VWC2L: variants seen among roughly 807,000 people sequenced by gnomAD.
VWC2L encodes von Willebrand factor C domain containing 2 like, also known as von Willebrand factor C domain-containing protein 2-like.
A neutral mutation model predicts 21.6 loss-of-function variants in VWC2L; 10 were observed. The ratio of observed to expected loss-of-function variants is 0.46; its 90% confidence interval spans 0.29 to 0.78. VWC2L has a LOEUF of 0.78. Among genes scored for constraint, VWC2L ranks in the 30% least tolerant of loss-of-function variants. The pLI is 0.10. For missense variants in VWC2L, 209 were observed against 277.1 expected (o/e 0.75, Z 1.74); for synonymous variants, 96 against 94.3 (o/e 1.02, Z -0.10).
intron 3 of VWC2L, among the ~76,000 whole-genome samples, chr2:214,444,386 G>C (rs1381604751): frequency 6.6e-6 from 1 of 151,756 alleles, no homozygotes; most frequent in African/African-American, 2.4e-5. Flanking sequence ...CATTAATTTG[G>C]GGGGATACAT....
At chr2:214,458,523 G>T (rs529266538) in intron 3 of VWC2L, among the ~76,000 whole-genome samples, 1 of 151,922 alleles carries the variant, frequency 6.6e-6, no homozygotes, top group Admixed American at 6.6e-5. Context: ...GCATCATTAG[G>T]TTGTTTATTT....
chr2:214,480,719 G>A (rs60713274), intron 3 of VWC2L, among the ~76,000 whole-genome samples: 56,394 of 151,658 alleles, frequency 0.37, 12,145 homozygotes, highest in South Asian at 0.58. Context: ...GCTCCAGGAA[G>A]GAGCTTGGAA....
chr2:214,433,086 A>G (rs1702624563), intron 2 of VWC2L, among the ~76,000 whole-genome samples: 1 of 150,278 alleles, frequency 6.7e-6, no homozygotes, highest in Admixed American at 6.7e-5. Context: ...GGAGTTCTAC[A>G]TTAGTTATTT....
chr2:214,515,594 C>G (rs1689129095), intron 3 of VWC2L, among the ~76,000 whole-genome samples: 1 of 152,152 alleles, frequency 6.6e-6, no homozygotes, highest in Admixed American at 6.5e-5. Context: ...CGCTCTGTCA[C>G]CCAGACTAGA....
intron 3 of VWC2L, among the ~76,000 whole-genome samples, chr2:214,470,438 T>C (rs902655115): frequency 3.3e-5 from 5 of 152,230 alleles, no homozygotes; most frequent in African/African-American, 9.6e-5. Context: ...AAGTATTTTA[T>C]AGGATTTAAT....
intron 3 of VWC2L, among the ~76,000 whole-genome samples, chr2:214,519,444 G>A (rs1689196814): frequency 6.6e-6 from 1 of 152,176 alleles, no homozygotes; most frequent in African/African-American, 2.4e-5. Context: ...TAGGAACAAA[G>A]ATAGTAGGTA....
At chr2:214,540,478 G>C (rs1287027290) in intron 3 of VWC2L, among the ~76,000 whole-genome samples, 1 of 152,106 alleles carries the variant, frequency 6.6e-6, no homozygotes, top group Non-Finnish European at 1.5e-5. Flanking sequence ...CAAGACACTA[G>C]CTTTTCCATT....
intron 3 of VWC2L, among the ~76,000 whole-genome samples, chr2:214,468,576 G>A (rs1703259032): frequency 6.6e-6 from 1 of 151,982 alleles, no homozygotes; most frequent in Non-Finnish European, 1.5e-5. Flanking sequence ...GAATTTAAAA[G>A]AGATTTTTCT....
At chr2:214,451,238 TC>T (rs1300979608) in intron 3 of VWC2L, among the ~76,000 whole-genome samples, 4 of 149,962 alleles carry the variant, frequency 2.7e-5, no homozygotes, top group African/African-American at 7.3e-5. Context: ...AATATATACT[TC>T]TTTTTAGGTG....
intron 2 of VWC2L, among the ~76,000 whole-genome samples, chr2:214,419,926 G>A (rs1702411229): frequency 1.3e-5 from 2 of 152,112 alleles, no homozygotes; most frequent in African/African-American, 4.8e-5. Context: ...GGGTGTGGTG[G>A]CGGGCACCTC....
At chr2:214,568,518 G>A (rs565931923) in intron 3 of VWC2L, among the ~76,000 whole-genome samples, 1 of 152,294 alleles carries the variant, frequency 6.6e-6, no homozygotes, top group African/African-American at 2.4e-5. Flanking sequence ...GGCTGGGGAG[G>A]CCTCACAATC....
intron 3 of VWC2L, among the ~76,000 whole-genome samples, chr2:214,457,436 A>T (rs1285291384): frequency 6.6e-6 from 1 of 152,080 alleles, no homozygotes; most frequent in Non-Finnish European, 1.5e-5. Flanking sequence ...TCATATCTGC[A>T]AAGAGTGGTA....
rs1688654714 is a variant in VWC2L at position 214,484,898 on chromosome 2, C to G, written c.520+48140C>G. On this transcript the variant is annotated intron_variant, in intron 3 of 3. Coordinates refer to ENST00000312504, the MANE Select transcript of VWC2L (RefSeq NM_001080500.4). ...ATACCAATGAGCTTTTAGGCAGTAC[C>G]TTTTCTGAGCTCATCTGTATTTCCA... is the stretch of plus-strand genomic sequence containing the variant. 2.0e-5 allele frequency among the ~76,000 whole-genome samples: 3 copies of G among 152,074 alleles called. No homozygotes were observed. In the South Asian group the frequency reaches 6.2e-4, roughly 32 times the overall value.
intron 3 of VWC2L, among the ~76,000 whole-genome samples, chr2:214,544,913 G>A (rs1406568419): frequency 6.6e-6 from 1 of 152,114 alleles, no homozygotes; most frequent in African/African-American, 2.4e-5. Context: ...TAGCTAGTAA[G>A]TACAAAAACT....
chr2:214,521,421 ACT>A (rs1218166738), intron 3 of VWC2L, among the ~76,000 whole-genome samples: 1 of 151,912 alleles, frequency 6.6e-6, no homozygotes, highest in African/African-American at 2.4e-5. Flanking sequence ...CAGTATTTAA[ACT>A]CTAGCTTAAC....
At chr2:214,509,702 G>A (rs931272634) in intron 3 of VWC2L, among the ~76,000 whole-genome samples, 4 of 152,088 alleles carry the variant, frequency 2.6e-5, no homozygotes, top group East Asian at 1.9e-4. Context: ...TTGACTCTCT[G>A]GTTGTAACCC....
At chr2:214,563,546 CAAAAAAAAAAAAAA>C (rs55864016) in intron 3 of VWC2L, among the ~76,000 whole-genome samples, 28 of 95,868 alleles carry the variant, frequency 2.9e-4, no homozygotes, top group African/African-American at 5.5e-4. Flanking sequence ...GACTCCGTCT[CAAAAAAAAAAAAAA>C]AAAAAAAAAA....
At chr2:214,511,081 G>T (rs1318432380) in intron 3 of VWC2L, among the ~76,000 whole-genome samples, 1 of 152,060 alleles carries the variant, frequency 6.6e-6, no homozygotes, top group Non-Finnish European at 1.5e-5. Context: ...GAGCTTAAGA[G>T]TCTGAGACCA....
At chr2:214,481,964 A>G (rs976408117) in intron 3 of VWC2L, among the ~76,000 whole-genome samples, 2 of 152,218 alleles carry the variant, frequency 1.3e-5, no homozygotes, top group Non-Finnish European at 2.9e-5. Context: ...CAAGGAAGAC[A>G]ATGCAATTAA....
Sources: gnomAD v4.1 joint callset for allele counts (sites outside exome capture counted in the v4.1 genomes callset) on GRCh38, gnomAD v4.1.1 for gene constraint, MANE v1.5 for transcripts, NCBI Gene and HGNC (gene_info 2026-07-23, HGNC 2026-07-21) for gene names.